The following FHL3 variants were observed in gnomAD, a reference collection of about 807,000 sequenced individuals.
FHL3 encodes the protein four and a half LIM domains protein 3.
FHL3 carries 21 observed loss-of-function variants against 34.3 expected under a neutral mutation model. That is an observed-to-expected ratio of 0.61 (90% CI 0.43 to 0.88). The LOEUF (loss-of-function observed/expected upper bound fraction) is 0.88, where lower values mean the gene tolerates loss of function less well. Among genes scored for constraint, FHL3 ranks in the 40% least tolerant of loss-of-function variants. The pLI is 0.00. For synonymous variants in FHL3, 137 were observed against 144.6 expected, an observed-to-expected ratio of 0.95 and a Z score of 0.38; for missense variants, 333 against 373.7, an observed-to-expected ratio of 0.89 and a Z score of 0.90.
At chr1:37,998,665 T>C in intron 3 of FHL3, 4 of 378,176 alleles carry the variant, frequency 1.1e-5, no homozygotes, top group Non-Finnish European at 2.0e-5. Context: ...TTTATCTGCT[T>C]CTGCATACAT....
In FHL3 at chr1:37,999,245, C is replaced by T; in HGVS notation, c.156+12G>A. On this transcript the variant is annotated intron_variant, in intron 2 of 5. Coordinates refer to ENST00000373016, the MANE Select transcript of FHL3 (RefSeq NM_004468.5). ...ACCACCCACCTCCTGCCTGGCCTGG[C>T]CCTCTCCTTACCCTCGAGTCATGCC... is the stretch of plus-strand genomic sequence containing the variant. 1 of 1,614,182 alleles carries T rather than the reference C, an allele frequency of 6.2e-7. No homozygotes were observed. The highest frequency in any genetic ancestry group is 8.5e-7 in the Non-Finnish European group (1 of 1,180,008).
In FHL3 at chr1:37,997,254, T is replaced by G; in HGVS notation, c.*151A>C. ...GGGGCCCTGGGTCAGGGAGTACCAG[T>G]TTGGGGATGCTGGAGTGGGGAGACA... is the stretch of plus-strand genomic sequence containing the variant. On this transcript the variant is annotated 3_prime_UTR_variant, in exon 6 of 6. Transcript: ENST00000373016. This position sits in a 1 kb window ranked among gnomAD's most constrained non-coding sequence, Gnocchi z 4.3. The G allele has an allele frequency of 1.5e-5, 12 of 795,508 alleles. No homozygotes were observed. The highest frequency in any genetic ancestry group is 2.4e-5 in the Non-Finnish European group (12 of 494,844). 49.3% of individuals were successfully genotyped at this position (795,508 alleles called of 1,614,324 possible).
chr1:38,004,237 C>T (rs981304496), intron 1 of FHL3, among the ~76,000 whole-genome samples: 4 of 152,038 alleles, frequency 2.6e-5, no homozygotes, highest in African/African-American at 9.7e-5. Flanking sequence ...CACCCTGGGT[C>T]CCCCAGGGCT....
chr1:38,004,993 C>T (rs974694290), intron 1 of FHL3, among the ~76,000 whole-genome samples: 1 of 152,140 alleles, frequency 6.6e-6, no homozygotes, highest in African/African-American at 2.4e-5. Flanking sequence ...TCCTGTGCCT[C>T]GAGTCCCTGC....
intron 1 of FHL3, among the ~76,000 whole-genome samples, 170 bp from the exon 2 acceptor site, chr1:37,999,602 A>G (rs562680538): frequency 3.1e-4 from 46 of 147,800 alleles, no homozygotes; most frequent in African/African-American, 1.2e-3. Context: ...GGAATCCCAC[A>G]TGTTTCTTTC....
At chr1:37,998,446 A>G (rs6692122) in intron 3 of FHL3, among the ~76,000 whole-genome samples, 5,350 of 152,178 alleles carry the variant, frequency 0.035, 307 homozygotes, top group African/African-American at 0.12. Context: ...AAGCCCTCAT[A>G]TAACAGATGT....
At position 37,997,386 on chromosome 1, in the gene FHL3, T is replaced by G; in HGVS notation, c.*19A>C. ...CCTGGGCCCGTGGTATGGGAAAGCCTGGGTCCAGGAGCCCTGGCTTAGGGC... is the reference window on the plus strand; with the variant it reads ...CCTGGGCCCGTGGTATGGGAAAGCCGGGGTCCAGGAGCCCTGGCTTAGGGC... On this transcript the variant is annotated 3_prime_UTR_variant, in exon 6 of 6. Coordinates refer to ENST00000373016, the MANE Select transcript of FHL3 (RefSeq NM_004468.5). The surrounding 1 kb of genome is among the most constrained non-coding windows in gnomAD (Gnocchi z 4.3). The G allele has an allele frequency of 6.2e-7, 1 of 1,604,258 alleles. No homozygotes were observed. The highest frequency in any genetic ancestry group is 8.5e-7 in the Non-Finnish European group (1 of 1,178,234).
At chr1:38,001,753 G>A (rs1033970328) in intron 1 of FHL3, among the ~76,000 whole-genome samples, 1 of 152,150 alleles carries the variant, frequency 6.6e-6, no homozygotes, top group African/African-American at 2.4e-5. Context: ...CCCCTCACAA[G>A]GCACCTCCCA....
intron 1 of FHL3, among the ~76,000 whole-genome samples, chr1:38,000,684 G>A (rs994646403): frequency 2.6e-5 from 4 of 152,128 alleles, no homozygotes; most frequent in African/African-American, 4.8e-5. Context: ...GGAGTGGAGC[G>A]GTAGGGAAGT....
rs1200929754 is a variant in FHL3 at position 37,997,813 on chromosome 1, C to G, written c.559G>C (p.Val187Leu). The part of the protein sequence containing the change: ...RDQPWHRECL[V>L]CTGCQTPLAG... ...AGGGGCGTCTGGCATCCGGTACAGA[C>G]CAGACATTCTCGATGCCACGGCTGA... Residue 187 changes from valine to leucine, a missense_variant, in exon 5 of 6, where the codon GTC becomes CTC. By Grantham distance (32) the Val-to-Leu change is conservative. Coordinates refer to ENST00000373016, the MANE Select transcript of FHL3 (RefSeq NM_004468.5). This position sits in a 1 kb window ranked among gnomAD's most constrained non-coding sequence, Gnocchi z 4.3. The G allele has an allele frequency of 1.2e-6, 2 of 1,613,990 alleles. No homozygotes were observed. Among genetic ancestry groups the G allele is most frequent in the African/African-American group, 2.7e-5 (2 of 74,904 alleles).
intron 3 of FHL3, chr1:37,998,569 A>C: frequency 3.7e-6 from 1 of 268,168 alleles, no homozygotes; most frequent in East Asian, 8.6e-5. Context: ...AAGCCCTCGC[A>C]TCTCCTCGGC....
In FHL3 at chr1:37,997,814, C is replaced by A. The variant is rs1239099595; in HGVS notation, c.558G>T (p.Leu186=). 2.5e-6 allele frequency: 4 copies of A among 1,613,926 alleles called. No individual in the cohort carries two copies. In the African/African-American group the frequency reaches 4.0e-5, roughly 16 times the overall value. ...GGGGCGTCTGGCATCCGGTACAGAC[C>A]AGACATTCTCGATGCCACGGCTGAT... is the stretch of plus-strand genomic sequence containing the variant. The part of the protein sequence containing the change: ...YRDQPWHREC[L]VCTGCQTPLA... The change falls in exon 5 of 6, where the codon CTG becomes CTT. Residue 186 remains leucine, a synonymous_variant. Coordinates refer to ENST00000373016, the MANE Select transcript of FHL3 (RefSeq NM_004468.5). This position sits in a 1 kb window ranked among gnomAD's most constrained non-coding sequence, Gnocchi z 4.3.
chr1:38,001,852 A>G (rs1272514198), intron 1 of FHL3, among the ~76,000 whole-genome samples: 1 of 152,204 alleles, frequency 6.6e-6, no homozygotes, highest in Non-Finnish European at 1.5e-5. Flanking sequence ...TGGCTCCTGC[A>G]CTTACTGGCT....
At chr1:38,000,142 C>A (rs1302772814) in intron 1 of FHL3, among the ~76,000 whole-genome samples, 2 of 152,358 alleles carry the variant, frequency 1.3e-5, no homozygotes, top group Middle Eastern at 3.4e-3. Flanking sequence ...ACCCTCTGCC[C>A]TCATCCCCCC....
rs1168191332 is a variant in FHL3 at position 37,999,312 on chromosome 1, T to C, written c.101A>G (p.Asn34Ser). 3 of 1,614,128 alleles carry C rather than the reference T, an allele frequency of 1.9e-6. No homozygotes were observed. The highest frequency in any genetic ancestry group is 1.1e-5 in the South Asian group (1 of 91,090). Reference sequence around the variant, plus strand: ...CTCAGCACAGGTGTTGGCAAAGGTATTGTCATAGCAGGGCACACAGTAGGG... The same window carrying C: ...CTCAGCACAGGTGTTGGCAAAGGTACTGTCATAGCAGGGCACACAGTAGGG... Reference protein sequence around the residue: ...SGPYCVPCYDNTFANTCAECQ... With the variant: ...SGPYCVPCYDSTFANTCAECQ... The change falls in exon 2 of 6, where the codon AAT (asparagine) becomes AGT (serine). Residue 34 changes from asparagine to serine, a missense_variant. Asn to Ser is a conservative substitution (Grantham distance 46). Transcript: ENST00000373016.
At chr1:38,002,535 ATTTTTTTTT>A (rs35702463) in intron 1 of FHL3, among the ~76,000 whole-genome samples, 3 of 106,748 alleles carry the variant, frequency 2.8e-5, no homozygotes, top group Admixed American at 2.0e-4. Flanking sequence ...TGCCAGCCCA[ATTTTTTTTT>A]TTTTTTTTTT....
chr1:38,004,711 C>A (rs1327884869), intron 1 of FHL3, among the ~76,000 whole-genome samples: 1 of 152,160 alleles, frequency 6.6e-6, no homozygotes, highest in Non-Finnish European at 1.5e-5. Flanking sequence ...AAGTCTCTTT[C>A]GCCACCTCTG....
At chr1:38,001,344 G>A (rs370933529) in intron 1 of FHL3, among the ~76,000 whole-genome samples, 1 of 152,254 alleles carries the variant, frequency 6.6e-6, no homozygotes, top group Non-Finnish European at 1.5e-5. Context: ...GCGTCCACAG[G>A]GGGTGCCTGG....
chr1:37,999,823 G>A (rs1646575527), intron 1 of FHL3, among the ~76,000 whole-genome samples: 1 of 152,202 alleles, frequency 6.6e-6, no homozygotes, highest in African/African-American at 2.4e-5. Flanking sequence ...TACTCCTTAT[G>A]AGCAGTACTC....
Sources: allele counts gnomAD v4.1 joint callset (sites outside exome capture counted in the v4.1 genomes callset), GRCh38; gene constraint gnomAD v4.1.1; non-coding constraint Gnocchi (gnomAD v3.1); transcripts MANE v1.5; gene names NCBI Gene and HGNC (gene_info 2026-07-23, HGNC 2026-07-21).